The following TULP4 variants were observed in gnomAD, a reference collection of about 807,000 sequenced individuals.
TULP4 encodes tubby-related protein 4.
In TULP4, 16 loss-of-function variants were observed where a neutral mutation model predicts 129.0. The observed-to-expected ratio is 0.12, with a 90% CI of 0.08 to 0.19. The LOEUF (loss-of-function observed/expected upper bound fraction) is 0.19, where lower values mean the gene tolerates loss of function less well. Among genes scored for constraint, TULP4 ranks in the 10% least tolerant of loss-of-function variants. The probability of loss-of-function intolerance (pLI) is 1.00; values close to 1 mark genes in which losing one functional copy is unlikely to be tolerated. For missense variants in TULP4, 1,842 were observed against 2,059.1 expected (o/e 0.89, Z 2.04); for synonymous variants, 998 against 854.0 (o/e 1.17, Z -2.94).
chr6:158,257,963 C>T (rs188427972), intron 1 of TULP4, among the ~76,000 whole-genome samples: 31 of 152,274 alleles, frequency 2.0e-4, no homozygotes, highest in Non-Finnish European at 3.8e-4. Context: ...GTGGTCTAAG[C>T]CCTGCCACGG....
intron 3 of TULP4, among the ~76,000 whole-genome samples, chr6:158,441,879 C>G (rs1778906279): frequency 6.6e-6 from 1 of 152,186 alleles, no homozygotes; most frequent in Admixed American, 6.5e-5. Flanking sequence ...GAGAGCCTGC[C>G]AAGAGAATCA....
chr6:158,314,440 A>G (rs981038283), intron 1 of TULP4, among the ~76,000 whole-genome samples, 172 bp downstream of exon 1: 3 of 150,340 alleles, frequency 2.0e-5, no homozygotes, highest in African/African-American at 7.4e-5. Context: ...AGATGGACAT[A>G]GTTCACAGTA....
intron 2 of TULP4, among the ~76,000 whole-genome samples, chr6:158,423,931 C>T (rs1212723734): frequency 6.6e-6 from 1 of 151,898 alleles, no homozygotes; most frequent in Non-Finnish European, 1.5e-5. Flanking sequence ...TGAGCCACCG[C>T]GCCTGGCCAA....
intron 2 of TULP4, among the ~76,000 whole-genome samples, chr6:158,425,349 A>G (rs1457208094): frequency 2.0e-5 from 3 of 150,980 alleles, no homozygotes; most frequent in Admixed American, 1.3e-4. Context: ...CCTCGTCTCG[A>G]CTAAAAATAC....
chr6:158,343,465 G>T (rs1780233228), intron 1 of TULP4, among the ~76,000 whole-genome samples: 1 of 152,196 alleles, frequency 6.6e-6, no homozygotes, highest in Non-Finnish European at 1.5e-5. Context: ...CAAAGTCATA[G>T]TGTTAGGAAG....
At chr6:158,451,586 G>A (rs1008418322) in intron 4 of TULP4, among the ~76,000 whole-genome samples, 11 of 152,164 alleles carry the variant, frequency 7.2e-5, no homozygotes, top group African/African-American at 1.9e-4. Flanking sequence ...GCTGTGCTCC[G>A]CAGGTGCAGC....
chr6:158,420,107 T>C (rs1206038343), intron 2 of TULP4, among the ~76,000 whole-genome samples: 2 of 152,220 alleles, frequency 1.3e-5, no homozygotes, highest in East Asian at 3.8e-4. Flanking sequence ...GGAGCCAAAA[T>C]TGAGGATATT....
chr6:158,499,361 G>T (rs561906635), intron 12 of TULP4, among the ~76,000 whole-genome samples: 2 of 152,316 alleles, frequency 1.3e-5, no homozygotes, highest in South Asian at 4.1e-4. Flanking sequence ...CAGGGGCCTG[G>T]TCTGAGTTCA....
Position 158,507,609 on chromosome 6 carries a change from G to A in TULP4, c.*915G>A, listed in dbSNP as rs1298160949. The A allele has an allele frequency of 6.6e-6, 1 of 152,156 alleles. No individual in the cohort carries two copies. The highest frequency in any genetic ancestry group is 1.5e-5 in the Non-Finnish European group (1 of 68,014). The allele number at this position is 152,156 out of a possible 1,614,324, so 9.4% of individuals were successfully genotyped here. ...TAGCAGTTTTCTCAAATAATGTGGTGACAGTCACTAGATCCTCACATGCTG... is the reference window on the plus strand; with the variant it reads ...TAGCAGTTTTCTCAAATAATGTGGTAACAGTCACTAGATCCTCACATGCTG... On this transcript the variant is annotated 3_prime_UTR_variant, in exon 14 of 14. Coordinates refer to ENST00000367097, the MANE Select transcript of TULP4 (RefSeq NM_020245.5).
intron 2 of TULP4, among the ~76,000 whole-genome samples, chr6:158,423,368 T>C (rs1038534795): frequency 2.0e-5 from 3 of 152,216 alleles, no homozygotes; most frequent in African/African-American, 7.2e-5. Flanking sequence ...TTTGGTGTTC[T>C]GTTACACAGT....
intron 11 of TULP4, 94 bp downstream of exon 11, chr6:158,494,940 T>A (rs1582879226): frequency 2.1e-6 from 2 of 963,104 alleles, no homozygotes; most frequent in Non-Finnish European, 3.1e-6. Context: ...GAGATGAACT[T>A]TTAAGACAGC....
At chr6:158,415,681 A>G (rs341154) in intron 2 of TULP4, among the ~76,000 whole-genome samples, 1 of 151,328 alleles carries the variant, frequency 6.6e-6, no homozygotes, top group African/African-American at 2.4e-5. Context: ...TTAAAAAAAA[A>G]AAAAAAAGTT....
chr6:158,460,808 G>A (rs1779405757), intron 5 of TULP4, among the ~76,000 whole-genome samples: 1 of 151,914 alleles, frequency 6.6e-6, no homozygotes, highest in African/African-American at 2.4e-5. Flanking sequence ...TTTACTTTTG[G>A]CATTTATAAA....
At chr6:158,261,180 T>G (rs1778346542) in intron 1 of TULP4, among the ~76,000 whole-genome samples, 1 of 152,142 alleles carries the variant, frequency 6.6e-6, no homozygotes, top group Non-Finnish European at 1.5e-5. Context: ...AAAAACCATC[T>G]ATATTGTTGT....
At chr6:158,279,893 A>C (rs980862055), upstream of TULP4, among the ~76,000 whole-genome samples, 3 of 152,212 alleles carry the variant, frequency 2.0e-5, no homozygotes, top group Admixed American at 2.0e-4. Context: ...GTTTTTCCCT[A>C]GACCAGAGGG....
intron 1 of TULP4, among the ~76,000 whole-genome samples, chr6:158,352,896 GTTA>G (rs1780558679): frequency 6.6e-6 from 1 of 152,096 alleles, no homozygotes. Flanking sequence ...ATTTTAAGAT[GTTA>G]TTATGATTTA....
chr6:158,363,402 G>A (rs186190484), intron 1 of TULP4, among the ~76,000 whole-genome samples: 12 of 152,288 alleles, frequency 7.9e-5, no homozygotes, highest in African/African-American at 2.4e-4. Flanking sequence ...TTCACTTAGA[G>A]TACCAACTAG....
chr6:158,434,490 C>T (rs1778708480), intron 3 of TULP4, among the ~76,000 whole-genome samples: 1 of 152,172 alleles, frequency 6.6e-6, no homozygotes, highest in South Asian at 2.1e-4. Context: ...AACAGTGAAG[C>T]TTTTGCAGTT....
intron 1 of TULP4, among the ~76,000 whole-genome samples, chr6:158,285,900 G>A (rs1225849220): frequency 6.6e-6 from 1 of 152,182 alleles, no homozygotes; most frequent in African/African-American, 2.4e-5. Context: ...TATAGCCAGG[G>A]CTCTGTTCGG....
Sources: allele counts gnomAD v4.1 joint callset (sites outside exome capture counted in the v4.1 genomes callset), GRCh38; gene constraint gnomAD v4.1.1; transcripts MANE v1.5; gene names NCBI Gene and HGNC (gene_info 2026-07-23, HGNC 2026-07-21).